AP3B1: variants seen among roughly 807,000 people sequenced by gnomAD.
AP3B1 encodes adaptor related protein complex 3 subunit beta 1, also known as AP-3 complex subunit beta-1.
A neutral mutation model predicts 132.5 loss-of-function variants in AP3B1; 61 were observed. The ratio of observed to expected loss-of-function variants is 0.46; its 90% CI spans 0.37 to 0.57. The LOEUF (loss-of-function observed/expected upper bound fraction) is 0.57. Ranked by LOEUF, AP3B1 falls within the 20% of genes least tolerant of loss-of-function variation. AP3B1 has a pLI of 0.00. For synonymous variants in AP3B1, 388 were observed against 438.3 expected, an observed-to-expected ratio of 0.89 and a Z score of 1.43; for missense variants, 1,120 against 1,289.4, an observed-to-expected ratio of 0.87 and a Z score of 2.01.
intron 24 of AP3B1, among the ~76,000 whole-genome samples, chr5:78,031,561 T>C (rs1047140748): frequency 1.3e-5 from 2 of 152,178 alleles, no homozygotes; most frequent in African/African-American, 2.4e-5. Context: ...AGTCTCAAAT[T>C]AAATGTGTAT....
intron 14 of AP3B1, among the ~76,000 whole-genome samples, chr5:78,142,734 T>C (rs894196440): frequency 3.3e-5 from 5 of 152,178 alleles, no homozygotes; most frequent in Non-Finnish European, 5.9e-5. Context: ...TGTAACAGCA[T>C]GTCTTTAAAT....
At chr5:78,241,204 ATT>A (rs34571884) in intron 2 of AP3B1, among the ~76,000 whole-genome samples, 2 of 146,152 alleles carry the variant, frequency 1.4e-5, no homozygotes, top group Non-Finnish European at 1.5e-5. Flanking sequence ...GTTATAAGTA[ATT>A]TTTTTTTTTT....
At chr5:78,158,016 TG>T (rs1195063466) in intron 13 of AP3B1, among the ~76,000 whole-genome samples, 2 of 152,232 alleles carry the variant, frequency 1.3e-5, no homozygotes, top group Non-Finnish European at 2.9e-5. Context: ...CCCAAAGTGC[TG>T]GGATTACCGG....
At chr5:78,238,466 A>C (rs1252668419) in intron 3 of AP3B1, among the ~76,000 whole-genome samples, 1 of 152,128 alleles carries the variant, frequency 6.6e-6, no homozygotes, top group Admixed American at 6.5e-5. Context: ...CCAGAGAAAA[A>C]TTGTCTTCCA....
At chr5:78,161,212 T>C (rs908271442) in intron 13 of AP3B1, among the ~76,000 whole-genome samples, 1 of 151,964 alleles carries the variant, frequency 6.6e-6, no homozygotes, top group Admixed American at 6.6e-5. Flanking sequence ...AAATATTTTT[T>C]GAGAAATTAA....
chr5:78,176,036 G>A (rs1045540624), intron 9 of AP3B1, among the ~76,000 whole-genome samples, 198 bp from the exon 10 acceptor site: 2 of 152,078 alleles, frequency 1.3e-5, no homozygotes, highest in African/African-American at 2.4e-5. Flanking sequence ...TAAATTAGAC[G>A]TGATTCATCA....
intron 20 of AP3B1, among the ~76,000 whole-genome samples, chr5:78,106,968 T>C (rs556555122): frequency 3.3e-5 from 5 of 152,272 alleles, no homozygotes; most frequent in African/African-American, 9.6e-5. Context: ...GATGTTACCA[T>C]GGAAGTAATT....
At chr5:78,265,642 T>C (rs1412711875) in intron 2 of AP3B1, among the ~76,000 whole-genome samples, 1 of 152,188 alleles carries the variant, frequency 6.6e-6, no homozygotes, top group Non-Finnish European at 1.5e-5. Context: ...AACTATCTCC[T>C]AGAGTTCCTT....
At chr5:78,261,685 C>T (rs1446838274) in intron 2 of AP3B1, among the ~76,000 whole-genome samples, 1 of 151,072 alleles carries the variant, frequency 6.6e-6, no homozygotes, top group South Asian at 2.1e-4. Context: ...AGGCTGGTCT[C>T]GAACTCCTGA....
intron 14 of AP3B1, among the ~76,000 whole-genome samples, chr5:78,153,853 C>T (rs1743003719): frequency 6.6e-6 from 1 of 152,086 alleles, no homozygotes; most frequent in African/African-American, 2.4e-5. Context: ...AAAAGTTCTA[C>T]CCTGCTTTTT....
intron 22 of AP3B1, among the ~76,000 whole-genome samples, chr5:78,081,075 GT>G (rs1403749403): frequency 6.6e-6 from 1 of 152,128 alleles, no homozygotes; most frequent in Non-Finnish European, 1.5e-5. Flanking sequence ...GTACTCTTGA[GT>G]TATTATTGGC....
intron 7 of AP3B1, among the ~76,000 whole-genome samples, chr5:78,195,458 T>C (rs942654743): frequency 3.3e-5 from 5 of 152,314 alleles, no homozygotes; most frequent in Middle Eastern, 3.4e-3. Context: ...AGCCAACTGC[T>C]TTCACAAAAG....
chr5:78,179,956 T>C (rs1015422038), intron 8 of AP3B1, among the ~76,000 whole-genome samples: 1 of 152,150 alleles, frequency 6.6e-6, no homozygotes, highest in African/African-American at 2.4e-5. Context: ...TGCCACTATT[T>C]GTTTCACTAT....
Position 78,048,137 on chromosome 5 carries a change from T to C in AP3B1, c.2578-8863A>G, listed in dbSNP as rs148585943. 1.6e-3 allele frequency among the ~76,000 whole-genome samples: 244 copies of C among 152,340 alleles called. 2 individuals carry two copies. The highest frequency in any genetic ancestry group is 3.4e-3 in the Middle Eastern group (1 of 294). On this transcript the variant is annotated intron_variant, in intron 22 of 26. Coordinates refer to ENST00000255194, the MANE Select transcript of AP3B1 (RefSeq NM_003664.5). ...CTTTACAAAGTAGAGGTTACTTTTT[T>C]CTTTTGGATTTCCTTTATGAAAATC...
At position 78,124,743 on chromosome 5, in the gene AP3B1, T is replaced by C. The variant is rs1414067243; in HGVS notation, c.1968+3287A>G. On this transcript the variant is annotated intron_variant, in intron 17 of 26. Coordinates refer to ENST00000255194, the MANE Select transcript of AP3B1 (RefSeq NM_003664.5). ...AATGCTTCTGTCTACAAAGATAGTA[T>C]TCTATAAACAAAGCTCTCTTATATT... Among the ~76,000 whole-genome samples, 8 of 152,332 alleles carry C rather than the reference T, an allele frequency of 5.3e-5. No homozygotes were observed. The East Asian group carries it at 1.3e-3, about 26-fold the overall frequency.
intron 9 of AP3B1, among the ~76,000 whole-genome samples, chr5:78,176,525 A>T (rs1035100478): frequency 2.0e-5 from 3 of 152,204 alleles, no homozygotes; most frequent in African/African-American, 7.2e-5. Context: ...CTTCCAACGC[A>T]ATTAGTGGAA....
At position 78,156,259 on chromosome 5, in the gene AP3B1, G is replaced by A. The variant is rs1743144041; in HGVS notation, c.1472C>T (p.Thr491Ile). 1 of 1,601,896 alleles carries A rather than the reference G, an allele frequency of 6.2e-7. No homozygotes were observed. Among genetic ancestry groups the A allele is most frequent in the South Asian group, 1.1e-5 (1 of 90,830 alleles). ...AAACATCTCTTAATTGATACTCACA[G>A]TGATACTGTCCAGGAGTTTGGCCAT... ...KHMAKLLDSI[T>I]VPVARASILW... is the part of the protein sequence containing the mutation. The change falls in exon 14 of 27, where the codon ACT becomes ATT. Residue 491 changes from threonine (T) to isoleucine (I), a missense_variant and splice_region_variant. Thr to Ile is a moderately conservative substitution (Grantham distance 89). This residue lies in a region of AP3B1 where 906 missense variants were observed against 997.1 expected (regional missense o/e 0.91). Transcript: ENST00000255194.
intron 7 of AP3B1, among the ~76,000 whole-genome samples, chr5:78,189,405 T>C (rs1231704112): frequency 6.6e-6 from 1 of 152,138 alleles, no homozygotes; most frequent in Non-Finnish European, 1.5e-5. Context: ...AGAGGATTAC[T>C]TGCACTACTG....
At chr5:78,272,461 T>C (rs887646015) in intron 1 of AP3B1, among the ~76,000 whole-genome samples, 28 of 152,198 alleles carry the variant, frequency 1.8e-4, no homozygotes, top group Non-Finnish European at 4.4e-5. Context: ...CATCTTGAAA[T>C]TCCCTCCTCC....
Sources: gnomAD v4.1 joint callset for allele counts (sites outside exome capture counted in the v4.1 genomes callset) on GRCh38, gnomAD v4.1.1 for gene constraint, gnomAD v4.1.1 regional missense constraint, MANE v1.5 for transcripts, NCBI Gene and HGNC (gene_info 2026-07-23, HGNC 2026-07-21) for gene names.